The following BLK variants were observed in gnomAD, a reference collection of about 807,000 sequenced individuals.
The protein encoded by BLK is tyrosine-protein kinase Blk.
Under a neutral mutation model 61.8 loss-of-function variants are expected in BLK, and 64 were observed. That is an observed-to-expected ratio of 1.03 (90% CI 0.85 to 1.27). The LOEUF is 1.27. BLK is among the 50% of genes most tolerant of loss of function. The pLI is 0.00. For missense variants in BLK, 853 were observed against 660.5 expected (o/e 1.29, Z -3.19); for synonymous variants, 351 against 272.0 (o/e 1.29, Z -2.86).
chr8:11,517,431 T>C (rs1799271829), intron 1 of BLK, among the ~76,000 whole-genome samples: 1 of 152,206 alleles, frequency 6.6e-6, no homozygotes, highest in Non-Finnish European at 1.5e-5. Context: ...CTTGGTGACA[T>C]TGTCAGCTGG....
At chr8:11,558,176 G>C in intron 10 of BLK, 138 bp downstream of exon 10, 1 of 827,272 alleles carries the variant, frequency 1.2e-6, no homozygotes, top group Non-Finnish European at 2.0e-6. Flanking sequence ...CCTCTAGGCA[G>C]ATATCCCCAA....
intron 1 of BLK, among the ~76,000 whole-genome samples, chr8:11,532,626 T>C (rs113403384): frequency 9.0e-4 from 137 of 152,350 alleles, no homozygotes; most frequent in African/African-American, 3.0e-3. Flanking sequence ...GTTATATATT[T>C]GAACCAGTTT....
At chr8:11,540,558 A>G (rs563038698) in intron 1 of BLK, among the ~76,000 whole-genome samples, 1 of 152,320 alleles carries the variant, frequency 6.6e-6, no homozygotes, top group East Asian at 1.9e-4. Flanking sequence ...AGGAACAAGA[A>G]AAACATCACA....
chr8:11,528,838 A>C (rs1251580726), intron 1 of BLK, among the ~76,000 whole-genome samples: 1 of 152,182 alleles, frequency 6.6e-6, no homozygotes, highest in Non-Finnish European at 1.5e-5. Context: ...TCCTCAGCAA[A>C]CTAACGCAGG....
At chr8:11,539,881 T>A (rs7004936) in intron 1 of BLK, among the ~76,000 whole-genome samples, 2 of 152,234 alleles carry the variant, frequency 1.3e-5, no homozygotes, top group African/African-American at 2.4e-5. Flanking sequence ...ATTTTTCTAT[T>A]GAATGAATTA....
At chr8:11,560,251 ATGGGTGGGTGGGTGGG>A (rs1302696468) in intron 10 of BLK, 1 of 45,142 alleles carries the variant, frequency 2.2e-5, no homozygotes, top group Non-Finnish European at 3.9e-5. Context: ...GGATGGATGG[ATGGGTGGGTGGGTGGG>A]TGGATGGATG....
At chr8:11,510,648 C>G (rs1421552417) in intron 1 of BLK, among the ~76,000 whole-genome samples, 2 of 152,006 alleles carry the variant, frequency 1.3e-5, no homozygotes, top group Admixed American at 6.6e-5. Flanking sequence ...TCTGGGAATC[C>G]GAGATTGAAA....
Position 11,564,028 on chromosome 8 carries a change from C to G in BLK, c.1438C>G (p.Arg480Gly). The G allele has an allele frequency of 6.2e-7, 1 of 1,604,488 alleles. No individual in the cohort carries two copies. The highest frequency in any genetic ancestry group is 1.1e-5 in the South Asian group (1 of 90,744). Reference sequence around the variant, plus strand: ...GTGCTGGCGCAGCCGGCCCGAGGAGCGGCCCACCTTCGAGTTCCTGCAGTC... The same window carrying G: ...GTGCTGGCGCAGCCGGCCCGAGGAGGGGCCCACCTTCGAGTTCCTGCAGTC... ...AECWRSRPEE[R>G]PTFEFLQSVL... Residue 480 changes from arginine (R) to glycine (G), a missense_variant, in exon 13 of 13, where the codon CGG becomes GGG. Physicochemically the swap from Arg to Gly is moderately radical, Grantham distance 125. Coordinates refer to ENST00000259089, the MANE Select transcript of BLK (RefSeq NM_001715.3).
intron 1 of BLK, among the ~76,000 whole-genome samples, chr8:11,494,896 G>A (rs28658025): frequency 0.012 from 1,887 of 152,330 alleles, 15 homozygotes; most frequent in Middle Eastern, 0.061. Flanking sequence ...GGGGTTGAGC[G>A]GGCACACACA....
At chr8:11,508,002 A>T (rs940780254) in intron 1 of BLK, among the ~76,000 whole-genome samples, 2 of 152,108 alleles carry the variant, frequency 1.3e-5, no homozygotes, top group Non-Finnish European at 2.9e-5. Context: ...ACACTGGTCA[A>T]GTAGGGGGTC....
chr8:11,515,977 C>T (rs577448081), intron 1 of BLK, among the ~76,000 whole-genome samples: 2 of 152,220 alleles, frequency 1.3e-5, no homozygotes, highest in Admixed American at 6.5e-5. Context: ...GGTGTGCACT[C>T]GCGTGCCTGG....
Position 11,555,372 on chromosome 8 carries a change from T to A in BLK, c.660T>A (p.Cys220Ter). 6.2e-7 allele frequency: 1 copy of A among 1,614,134 alleles called. No individual in the cohort carries two copies. Among genetic ancestry groups the A allele is most frequent in the Non-Finnish European group, 8.5e-7 (1 of 1,180,000 alleles). Reference sequence around the variant, plus strand: ...TATGCCAGAGGCTGACCCTGCCCTGTGTGCGCCCGGCCCCGCAGAATCCCT... The same window carrying A: ...TATGCCAGAGGCTGACCCTGCCCTGAGTGCGCCCGGCCCCGCAGAATCCCT... Reference protein sequence around the residue: ...DGLCQRLTLPCVRPAPQNPWA... With the variant: ...DGLCQRLTLP The change falls in exon 8 of 13, where the codon TGT (cysteine) becomes TGA (stop). Residue 220 changes from cysteine to a stop codon, truncating the protein, a stop_gained. Transcript: ENST00000259089. LOFTEE classifies it high-confidence loss of function.
chr8:11,537,357 G>T (rs1477126349), intron 1 of BLK, among the ~76,000 whole-genome samples: 2 of 152,180 alleles, frequency 1.3e-5, no homozygotes, highest in Non-Finnish European at 2.9e-5. Flanking sequence ...GACACCCAGG[G>T]TGAGTCCCAG....
At chr8:11,526,773 G>A (rs1000156565) in intron 1 of BLK, among the ~76,000 whole-genome samples, 2 of 149,162 alleles carry the variant, frequency 1.3e-5, no homozygotes. Flanking sequence ...ATTTTACTGT[G>A]TTTCATCAGT....
chr8:11,517,702 A>G lies in BLK; in HGVS notation c.-2+23111A>G, dbSNP rs1585343164. Among the ~76,000 whole-genome samples, 4 of 152,154 alleles carry G rather than the reference A, an allele frequency of 2.6e-5. No homozygotes were observed. The South Asian group carries it at 6.2e-4, about 24-fold the overall frequency. ...GGCAGGGGACGGCTTCAGCTCCCGAAGACCCTCTTGCGTTCCCAGCCAAGC... is the reference window on the plus strand; with the variant it reads ...GGCAGGGGACGGCTTCAGCTCCCGAGGACCCTCTTGCGTTCCCAGCCAAGC... On this transcript the variant is annotated intron_variant, in intron 1 of 12. Transcript: ENST00000259089.
chr8:11,555,544 G>C (rs768101243), intron 8 of BLK, 60 bp downstream of exon 8: 49 of 1,610,956 alleles, frequency 3.0e-5, no homozygotes, highest in Non-Finnish European at 4.1e-5. Flanking sequence ...CGCATCCTGA[G>C]TCCAGGTTCA....
chr8:11,545,927 GC>G, intron 2 of BLK, 124 bp from the exon 3 acceptor site: 2 of 999,748 alleles, frequency 2.0e-6, no homozygotes, highest in South Asian at 2.6e-5. Flanking sequence ...CCCACAGGCA[GC>G]TGCCTCTCCT....
chr8:11,551,947 C>T (rs1021069218), intron 6 of BLK, among the ~76,000 whole-genome samples: 2 of 152,134 alleles, frequency 1.3e-5, no homozygotes, highest in Non-Finnish European at 2.9e-5. Flanking sequence ...CAGGGGCTTC[C>T]CAGGCAGTAT....
intron 12 of BLK, 86 bp from the exon 13 acceptor site, chr8:11,563,817 C>T (rs1257993586): frequency 2.3e-6 from 3 of 1,332,880 alleles, no homozygotes; most frequent in African/African-American, 2.9e-5. Context: ...TTGCCTGGGC[C>T]CACTGTGCCC....
Sources: allele counts gnomAD v4.1 joint callset (sites outside exome capture counted in the v4.1 genomes callset), GRCh38; gene constraint gnomAD v4.1.1; transcripts MANE v1.5; gene names NCBI Gene and HGNC (gene_info 2026-07-23, HGNC 2026-07-21).